Variants in CFH observed in about 807,000 individuals in gnomAD.
The protein encoded by CFH is H factor 1 (complement).
Under a neutral mutation model 147.3 loss-of-function variants are expected in CFH, and 53 were observed. The observed-to-expected ratio is 0.36, with a 90% CI of 0.29 to 0.45. The LOEUF (loss-of-function observed/expected upper bound fraction) is 0.45, where lower values mean the gene tolerates loss of function less well. Ranked by LOEUF, CFH falls within the 20% of genes least tolerant of loss-of-function variation. CFH has a pLI of 1.00. For missense variants in CFH, 1,380 were observed against 1,498.0 expected (o/e 0.92, Z 1.30); for synonymous variants, 536 against 489.4 (o/e 1.10, Z -1.26).
intron 15 of CFH, among the ~76,000 whole-genome samples, chr1:196,732,501 C>A (rs2149110978): frequency 6.6e-6 from 1 of 151,954 alleles, no homozygotes; most frequent in East Asian, 1.9e-4. Context: ...TCATCTTGTT[C>A]TTTTGTTTGG....
In CFH at chr1:196,740,631, A is replaced by G; in HGVS notation, c.2795A>G (p.Lys932Arg). ...CTTTTTTTTTTAGGCCTTCCTTGTA[A>G]ATCTCCACCTGAGATTTCTCATGGT... ...SPPQCEGLPC[K>R]SPPEISHGVV... is the part of the protein sequence containing the mutation. The change falls in exon 18 of 22, where the codon AAA becomes AGA. Residue 932 changes from lysine (K) to arginine (R), a missense_variant. Transcript: ENST00000367429. The G allele has an allele frequency of 6.2e-7, 1 of 1,613,654 alleles. No homozygotes were observed. The highest frequency in any genetic ancestry group is 8.5e-7 in the Non-Finnish European group (1 of 1,179,866).
At chr1:196,697,697 CAT>C (rs1668319532) in intron 9 of CFH, among the ~76,000 whole-genome samples, 1 of 152,088 alleles carries the variant, frequency 6.6e-6, no homozygotes, top group African/African-American at 2.4e-5. Flanking sequence ...TATAAAGACA[CAT>C]GTACACGTAT....
chr1:196,718,055 A>T (rs939322913), intron 11 of CFH, among the ~76,000 whole-genome samples: 62 of 152,204 alleles, frequency 4.1e-4, no homozygotes, highest in African/African-American at 1.5e-3. Context: ...GTCACAGCTG[A>T]GAAAGAGAAT....
chr1:196,726,964 A>T, intron 14 of CFH, 24 bp downstream of exon 14: 2 of 1,596,882 alleles, frequency 1.3e-6, no homozygotes, highest in Non-Finnish European at 8.6e-7. Context: ...TCTTAAATCA[A>T]CATTTAACAA....
intron 7 of CFH, among the ~76,000 whole-genome samples, chr1:196,686,312 G>A (rs538345692): frequency 6.6e-6 from 1 of 152,136 alleles, no homozygotes; most frequent in South Asian, 2.1e-4. Context: ...ATATCCAAGG[G>A]GAGAGAAATT....
chr1:196,745,042 G>C (rs188798203), intron 20 of CFH, among the ~76,000 whole-genome samples: 45 of 152,222 alleles, frequency 3.0e-4, no homozygotes, highest in Admixed American at 9.8e-4. Context: ...AGCATCATTT[G>C]AATTGTTGAT....
At chr1:196,673,584 C>A (rs1219849705) in intron 2 of CFH, among the ~76,000 whole-genome samples, 1 of 152,174 alleles carries the variant, frequency 6.6e-6, no homozygotes, top group African/African-American at 2.4e-5. Flanking sequence ...GATCCACCCA[C>A]CTCAGCCTCC....
intron 11 of CFH, among the ~76,000 whole-genome samples, chr1:196,717,578 A>C (rs1162737918): frequency 6.6e-6 from 1 of 152,124 alleles, no homozygotes; most frequent in Non-Finnish European, 1.5e-5. Context: ...AAAAATAATG[A>C]GCTAGACATT....
At chr1:196,735,879 G>A (rs70621) in intron 15 of CFH, among the ~76,000 whole-genome samples, 32,270 of 151,850 alleles carry the variant, frequency 0.21, 3,888 homozygotes, top group East Asian at 0.48. Flanking sequence ...TCATCCAAAC[G>A]TCTCCCTGAA....
intron 1 of CFH, among the ~76,000 whole-genome samples, chr1:196,656,309 G>GAAA (rs111440999): frequency 1.2e-5 from 1 of 84,988 alleles, no homozygotes; most frequent in Admixed American, 1.4e-4. Flanking sequence ...ATCTCAAAAA[G>GAAA]AAAAAAAAAA....
intron 11 of CFH, among the ~76,000 whole-genome samples, chr1:196,718,850 A>G (rs752212890): frequency 2.0e-4 from 30 of 152,066 alleles, no homozygotes; most frequent in Non-Finnish European, 1.0e-4. Context: ...ATTTGAACAC[A>G]TAACTAGGAA....
chr1:196,723,044 A>G lies in CFH; in HGVS notation c.1697-2077A>G, dbSNP rs77566209. The stretch of plus-strand genomic sequence containing the variant: ...TTGGACTCCATTTAGCTACTTTAAA[A>G]TAAATATTTTAAATTCTTTGGTATT... On this transcript the variant is annotated intron_variant, in intron 11 of 21. Transcript: ENST00000367429. 7.9e-5 allele frequency among the ~76,000 whole-genome samples: 12 copies of G among 152,206 alleles called. No individual in the cohort carries two copies. In the East Asian group the frequency reaches 2.3e-3, roughly 29 times the overall value.
At position 196,715,645 on chromosome 1, in the gene CFH, A is replaced by G. The variant is rs778596435; in HGVS notation, c.1572A>G (p.Thr524=). Residue 524 remains threonine, a synonymous_variant, in exon 11 of 22, where the codon ACA becomes ACG. Transcript: ENST00000367429. ...ATGCCAGAACTAAAAATGACTTCAC[A>G]TGGTTTAAGCTGAATGACACATTGG... ...FMNARTKNDF[T]WFKLNDTLDY... is the part of the protein sequence containing the mutation. 6.2e-7 allele frequency: 1 copy of G among 1,612,808 alleles called. No individual in the cohort carries two copies. Among genetic ancestry groups the G allele is most frequent in the Non-Finnish European group, 8.5e-7 (1 of 1,179,190 alleles).
intron 7 of CFH, among the ~76,000 whole-genome samples, chr1:196,686,110 T>C (rs1305813886): frequency 6.6e-6 from 1 of 151,968 alleles, no homozygotes; most frequent in African/African-American, 2.4e-5. Context: ...TCATGAGAAC[T>C]CACTCACTAT....
intron 10 of CFH, among the ~76,000 whole-genome samples, chr1:196,714,794 G>A (rs1440277558): frequency 3.4e-5 from 5 of 147,640 alleles, no homozygotes; most frequent in Admixed American, 1.4e-4. Flanking sequence ...TCCATTTTCC[G>A]TTTTCAAGCA....
At chr1:196,671,559 G>C (rs988640898) in intron 1 of CFH, among the ~76,000 whole-genome samples, 4 of 144,960 alleles carry the variant, frequency 2.8e-5, no homozygotes, top group African/African-American at 7.7e-5. Context: ...CAAGAATCTG[G>C]TTGGTTTCTT....
At position 196,735,161 on chromosome 1, in the gene CFH, A is replaced by G. The variant is rs148326676; in HGVS notation, c.2414-1663A>G. On this transcript the variant is annotated intron_variant, in intron 15 of 21. Coordinates refer to ENST00000367429, the MANE Select transcript of CFH (RefSeq NM_000186.4). ...AGAGTTCATTTTTATTTGATTTGAA[A>G]TATTTTCTCATTTGTCTTGTGGTTT... Among the ~76,000 whole-genome samples the G allele has an allele frequency of 2.3e-3, 345 of 152,212 alleles. 1 individual carries two copies. The highest frequency in any genetic ancestry group is 7.9e-3 in the African/African-American group (327 of 41,540).
chr1:196,719,207 G>A (rs1668941555), intron 11 of CFH, among the ~76,000 whole-genome samples: 1 of 151,890 alleles, frequency 6.6e-6, no homozygotes, highest in African/African-American at 2.4e-5. Flanking sequence ...ATCACGTTTT[G>A]TAAGTTATTA....
chr1:196,681,656 C>A (rs1467250246), intron 6 of CFH, among the ~76,000 whole-genome samples: 2 of 151,776 alleles, frequency 1.3e-5, no homozygotes, highest in African/African-American at 2.4e-5. Context: ...GGATTGGGTA[C>A]TCCTTTTCAG....
Sources: gnomAD v4.1 joint callset for allele counts (sites outside exome capture counted in the v4.1 genomes callset) on GRCh38, gnomAD v4.1.1 for gene constraint, MANE v1.5 for transcripts, NCBI Gene and HGNC (gene_info 2026-07-23, HGNC 2026-07-21) for gene names.